The following CRYBG1 variants were observed in gnomAD, a reference collection of about 807,000 sequenced individuals.
CRYBG1 encodes beta/gamma crystallin domain-containing protein 1.
Under a neutral mutation model 189.2 loss-of-function variants are expected in CRYBG1, and 139 were observed. The ratio of observed to expected loss-of-function variants is 0.73; its 90% CI spans 0.64 to 0.85. The LOEUF (loss-of-function observed/expected upper bound fraction) is 0.85, where lower values mean the gene tolerates loss of function less well. Ranked by LOEUF, CRYBG1 falls within the 40% of genes least tolerant of loss-of-function variation. The pLI, the probability that CRYBG1 is intolerant of heterozygous loss-of-function variation, is 0.00. For missense variants in CRYBG1, 2,611 were observed against 2,675.8 expected, an observed-to-expected ratio of 0.98 and a Z score of 0.53; for synonymous variants, 1,023 against 1,017.1, an observed-to-expected ratio of 1.01 and a Z score of -0.11.
chr6:106,571,204 G>C lies in CRYBG1; in HGVS notation c.*2638G>C, dbSNP rs1036757309. 6.6e-6 allele frequency: 1 copy of C among 152,152 alleles called. No homozygotes were observed. Among genetic ancestry groups the C allele is most frequent in the Non-Finnish European group, 1.5e-5 (1 of 68,008 alleles). 9.4% of individuals were successfully genotyped at this position (152,152 alleles called of 1,614,324 possible). A position where few individuals can be genotyped will look rare whatever the true frequency, so the allele number is the denominator to read the frequency against. The stretch of plus-strand genomic sequence containing the variant: ...TTCAATATTAAGAGCATAAACAAAT[G>C]AATCACCAGGCAGATTTTTATATAT... On this transcript the variant is annotated 3_prime_UTR_variant, in exon 22 of 22. Coordinates refer to ENST00000633556, the MANE Select transcript of CRYBG1 (RefSeq NM_001371242.2).
At chr6:106,393,314 A>G (rs560099203) in intron 1 of CRYBG1, among the ~76,000 whole-genome samples, 1 of 152,288 alleles carries the variant, frequency 6.6e-6, no homozygotes, top group South Asian at 2.1e-4. Context: ...CGTGCTCTCT[A>G]TAGCCCATAT....
At chr6:106,524,273 C>A (rs1160810877) in intron 4 of CRYBG1, among the ~76,000 whole-genome samples, 1 of 152,022 alleles carries the variant, frequency 6.6e-6, no homozygotes, top group Non-Finnish European at 1.5e-5. Flanking sequence ...ATCAAAAAAG[C>A]GGGATTAGGC....
At chr6:106,428,375 A>T (rs9399997) in intron 1 of CRYBG1, among the ~76,000 whole-genome samples, 17,221 of 152,136 alleles carry the variant, frequency 0.11, 1,239 homozygotes, top group Non-Finnish European at 0.15. Context: ...AATATCTGGT[A>T]TATTTTACTT....
At chr6:106,511,204 A>T (rs783421) in intron 2 of CRYBG1, among the ~76,000 whole-genome samples, 22,473 of 152,248 alleles carry the variant, frequency 0.15, 2,619 homozygotes, top group African/African-American at 0.32. Flanking sequence ...TAATTCAAAG[A>T]AAATGCTATT....
At chr6:106,374,291 T>A (rs911363618) in intron 1 of CRYBG1, among the ~76,000 whole-genome samples, 3 of 152,136 alleles carry the variant, frequency 2.0e-5, no homozygotes, top group Admixed American at 2.0e-4. Flanking sequence ...CGGTGGCTCA[T>A]GCCTGTAATC....
intron 1 of CRYBG1, among the ~76,000 whole-genome samples, chr6:106,372,413 A>G (rs75909311): frequency 0.055 from 8,345 of 152,120 alleles, 374 homozygotes; most frequent in East Asian, 0.16. Flanking sequence ...CATCACACCC[A>G]GCTAATTTTT....
Position 106,541,591 on chromosome 6 carries a change from C to G in CRYBG1, c.4851C>G (p.Gly1617=), listed in dbSNP as rs1293547983. The G allele has an allele frequency of 1.2e-6, 2 of 1,610,610 alleles. No homozygotes were observed. Among genetic ancestry groups the G allele is most frequent in the Middle Eastern group, 1.7e-4 (1 of 6,008 alleles). Residue 1617 remains glycine, a synonymous_variant, in exon 10 of 22, where the codon GGC becomes GGG. Coordinates refer to ENST00000633556, the MANE Select transcript of CRYBG1 (RefSeq NM_001371242.2). ...IGSMRPLKMG[G]RKVEFPTDPK... The stretch of plus-strand genomic sequence containing the variant: ...TACTATGTTGTTTTTTTCAGGGTGG[C>G]CGTAAAGTTGAATTCCCTACAGATC...
rs1191523429 is a variant in CRYBG1 at position 106,568,476 on chromosome 6, C to T, written c.6306C>T (p.Gly2102=). 1.9e-6 allele frequency: 3 copies of T among 1,612,002 alleles called. No homozygotes were observed. The highest frequency in any genetic ancestry group is 1.3e-5 in the African/African-American group (1 of 74,876). Residue 2102 remains glycine (G), a synonymous_variant, in exon 22 of 22, where the codon GGC becomes GGT. Coordinates refer to ENST00000633556, the MANE Select transcript of CRYBG1 (RefSeq NM_001371242.2). ...TATTATTTTCCTTTCTTTTAGGGGG[C>T]ACACAGTATGATCAAAATCACATTA... ...KPNLVLDIKG[G]TQYDQNHIIL... is the part of the protein sequence containing the mutation.
chr6:106,539,604 GA>G, intron 9 of CRYBG1, 75 bp downstream of exon 9: 1 of 1,501,504 alleles, frequency 6.7e-7, no homozygotes, highest in Non-Finnish European at 9.0e-7. Context: ...GTGTGACTTT[GA>G]AGCAATAAAG....
intron 11 of CRYBG1, 95 bp from the exon 12 acceptor site, chr6:106,544,476 A>C: frequency 1.4e-6 from 2 of 1,415,652 alleles, no homozygotes; most frequent in Non-Finnish European, 1.9e-6. Context: ...GTCTAGCTTT[A>C]TAACTATTTG....
chr6:106,541,510 GTAAAC>G, intron 9 of CRYBG1, 71 bp from the exon 10 acceptor site: 1 of 1,373,938 alleles, frequency 7.3e-7, no homozygotes, highest in Non-Finnish European at 1.0e-6. Flanking sequence ...ATGTTTTACT[GTAAAC>G]TGCTATGGCT....
intron 1 of CRYBG1, among the ~76,000 whole-genome samples, chr6:106,414,774 C>CT (rs889552735): frequency 6.6e-6 from 1 of 152,098 alleles, no homozygotes; most frequent in Non-Finnish European, 1.5e-5. Context: ...TTGAGGCAGG[C>CT]TTTTTATCAC....
intron 1 of CRYBG1, among the ~76,000 whole-genome samples, chr6:106,414,452 T>C (rs906945282): frequency 2.6e-5 from 4 of 152,240 alleles, no homozygotes; most frequent in African/African-American, 7.2e-5. Context: ...GGAGGCAGAC[T>C]ATCAAGTTTT....
intron 2 of CRYBG1, among the ~76,000 whole-genome samples, chr6:106,480,089 T>A (rs1015656887): frequency 2.0e-5 from 3 of 152,148 alleles, no homozygotes; most frequent in Non-Finnish European, 4.4e-5. Flanking sequence ...TTTTTGTATG[T>A]GGGGTGAGAT....
chr6:106,516,890 C>T (rs783416), intron 3 of CRYBG1, among the ~76,000 whole-genome samples: 141,367 of 152,182 alleles, frequency 0.93, 65,704 homozygotes, highest in South Asian at 0.97. Context: ...TGTATAAAGT[C>T]GTATATTAAT....
intron 2 of CRYBG1, among the ~76,000 whole-genome samples, chr6:106,482,364 C>A (rs1772481867): frequency 8.7e-6 from 1 of 114,770 alleles, no homozygotes; most frequent in South Asian, 2.3e-4. Flanking sequence ...ATCCCTACAC[C>A]TTTGCAGTGG....
At chr6:106,441,194 ATCTG>A (rs1302436836) in intron 1 of CRYBG1, among the ~76,000 whole-genome samples, 1 of 152,186 alleles carries the variant, frequency 6.6e-6, no homozygotes, top group African/African-American at 2.4e-5. Flanking sequence ...GGGCAAACAA[ATCTG>A]TCTGACCACA....
chr6:106,436,280 G>A (rs1351152889), intron 1 of CRYBG1, among the ~76,000 whole-genome samples: 1 of 144,940 alleles, frequency 6.9e-6, no homozygotes, highest in Non-Finnish European at 1.5e-5. Context: ...ATGTAACATC[G>A]TTGACATGCA....
intron 2 of CRYBG1, among the ~76,000 whole-genome samples, chr6:106,483,403 A>T (rs58231862): frequency 0.069 from 7,215 of 104,090 alleles, 523 homozygotes; most frequent in East Asian, 0.32. Context: ...TATATATATA[A>T]AACATTTTCT....
Sources: allele counts gnomAD v4.1 joint callset (sites outside exome capture counted in the v4.1 genomes callset), GRCh38; gene constraint gnomAD v4.1.1; transcripts MANE v1.5; gene names NCBI Gene and HGNC (gene_info 2026-07-23, HGNC 2026-07-21).